Variants in NDRG3 observed in about 807,000 individuals in gnomAD.
NDRG3 encodes the protein protein NDRG3.
In NDRG3, 23 loss-of-function variants were observed where a neutral mutation model predicts 57.2. That is an observed-to-expected ratio of 0.40 (90% CI 0.29 to 0.57). The LOEUF (loss-of-function observed/expected upper bound fraction) is 0.57, where lower values mean the gene tolerates loss of function less well. Among genes scored for constraint, NDRG3 ranks in the 20% least tolerant of loss-of-function variants. The probability of loss-of-function intolerance (pLI) is 0.42; values close to 1 mark genes in which losing one functional copy is unlikely to be tolerated. For synonymous variants in NDRG3, 132 were observed against 162.6 expected, an observed-to-expected ratio of 0.81 and a Z score of 1.43; for missense variants, 384 against 457.3, an observed-to-expected ratio of 0.84 and a Z score of 1.46.
chr20:36,680,872 C>T lies in NDRG3; in HGVS notation c.475G>A (p.Val159Met). Reference sequence around the variant, plus strand: ...GCGCAAGGGTCAACATTAATGAGCACAAGGCCTTCCACAAGCTCTGGATGG... The same window carrying T: ...GCGCAAGGGTCAACATTAATGAGCATAAGGCCTTCCACAAGCTCTGGATGG... Reference protein sequence around the residue: ...LNHPELVEGLVLINVDPCAKG... With the variant: ...LNHPELVEGLMLINVDPCAKG... Residue 159 changes from valine (V) to methionine (M), a missense_variant, in exon 8 of 16, where the codon GTG (valine) becomes ATG (methionine). Coordinates refer to ENST00000349004, the MANE Select transcript of NDRG3 (RefSeq NM_032013.4). The T allele has an allele frequency of 3.1e-6, 5 of 1,614,092 alleles. No homozygotes were observed. Among genetic ancestry groups the T allele is most frequent in the Non-Finnish European group, 4.2e-6 (5 of 1,179,976 alleles).
At chr20:36,721,220 C>A (rs559356640) in intron 2 of NDRG3, among the ~76,000 whole-genome samples, 67 of 151,660 alleles carry the variant, frequency 4.4e-4, no homozygotes, top group Non-Finnish European at 7.7e-4. Flanking sequence ...GGGGAAACAT[C>A]AAAAAGATGC....
At chr20:36,693,171 T>C (rs1429078771) in intron 3 of NDRG3, among the ~76,000 whole-genome samples, 6 of 115,130 alleles carry the variant, frequency 5.2e-5, no homozygotes, top group South Asian at 3.1e-4. Context: ...CATATATATA[T>C]ACACACATAT....
chr20:36,700,186 G>A (rs1302029038), intron 3 of NDRG3, among the ~76,000 whole-genome samples: 1 of 151,176 alleles, frequency 6.6e-6, no homozygotes, highest in Non-Finnish European at 1.5e-5. Context: ...TTCATAATCT[G>A]GATGATATTC....
In NDRG3 at chr20:36,706,888, C is replaced by T. The variant is rs1026247058; in HGVS notation, c.93+84G>A. 6 of 1,150,600 alleles carry T rather than the reference C, an allele frequency of 5.2e-6. No homozygotes were observed. The South Asian group carries it at 8.2e-5, about 16-fold the overall frequency. 71.3% of individuals were successfully genotyped at this position (1,150,600 alleles called of 1,614,324 possible). On this transcript the variant is annotated intron_variant, in intron 3 of 15. Coordinates refer to ENST00000349004, the MANE Select transcript of NDRG3 (RefSeq NM_032013.4). ...TCATTATTAGCTATAATGAGAGATC[C>T]ACTTCTACAAGACCACCACCACAGG...
At chr20:36,691,487 G>A (rs1195131020) in intron 3 of NDRG3, among the ~76,000 whole-genome samples, 1 of 152,184 alleles carries the variant, frequency 6.6e-6, no homozygotes, top group Non-Finnish European at 1.5e-5. Flanking sequence ...GCCGAGGCAG[G>A]CAGATCATCT....
chr20:36,715,852 G>A (rs1303424011), intron 2 of NDRG3, among the ~76,000 whole-genome samples: 1 of 152,072 alleles, frequency 6.6e-6, no homozygotes, highest in East Asian at 1.9e-4. Flanking sequence ...CCTGGGGCCA[G>A]GCACAGTGGC....
At chr20:36,657,485 GAAAAAAA>G (rs757285386) in intron 13 of NDRG3, among the ~76,000 whole-genome samples, 2 of 130,050 alleles carry the variant, frequency 1.5e-5, no homozygotes, top group Non-Finnish European at 3.3e-5. Context: ...CCGTCTCCAG[GAAAAAAA>G]AAAAAAAAGG....
At chr20:36,654,661 G>C (rs1978493408) in intron 15 of NDRG3, 1 of 658,054 alleles carries the variant, frequency 1.5e-6, no homozygotes, top group Non-Finnish European at 2.9e-6. Context: ...GGCTGGACCT[G>C]TAGGCTAAAT....
At chr20:36,679,373 A>G (rs1981041723) in intron 8 of NDRG3, among the ~76,000 whole-genome samples, 1 of 152,234 alleles carries the variant, frequency 6.6e-6, no homozygotes. Context: ...ATAAATGTGT[A>G]TGTCTACTGA....
intron 6 of NDRG3, among the ~76,000 whole-genome samples, chr20:36,683,727 T>C (rs1981534181): frequency 6.6e-6 from 1 of 151,394 alleles, no homozygotes; most frequent in African/African-American, 2.4e-5. Flanking sequence ...TAAAAATATA[T>C]ATAACTGAAA....
intron 8 of NDRG3, among the ~76,000 whole-genome samples, chr20:36,678,802 C>A (rs1441864379): frequency 5.3e-5 from 8 of 152,184 alleles, no homozygotes; most frequent in Admixed American, 5.2e-4. Context: ...TAAAAACAAA[C>A]TAATATCACA....
intron 1 of NDRG3, among the ~76,000 whole-genome samples, chr20:36,731,176 C>T (rs1287039164): frequency 1.3e-5 from 2 of 152,072 alleles, no homozygotes; most frequent in South Asian, 4.1e-4. Flanking sequence ...AGCCTCCAAA[C>T]GACCACCAAA....
At chr20:36,695,145 T>G (rs1298737915) in intron 3 of NDRG3, among the ~76,000 whole-genome samples, 2 of 152,218 alleles carry the variant, frequency 1.3e-5, no homozygotes, top group Non-Finnish European at 2.9e-5. Context: ...TCATGGACAT[T>G]TATCACTTCC....
intron 1 of NDRG3, among the ~76,000 whole-genome samples, chr20:36,739,963 A>G (rs1000107424): frequency 6.6e-6 from 1 of 151,786 alleles, no homozygotes; most frequent in African/African-American, 2.4e-5. Context: ...AAACCTAATA[A>G]GTAATAAAAT....
intron 13 of NDRG3, among the ~76,000 whole-genome samples, chr20:36,659,029 TC>T (rs1219495251): frequency 4.7e-5 from 7 of 147,500 alleles, no homozygotes; most frequent in Admixed American, 1.4e-4. Flanking sequence ...GGAGCACAAA[TC>T]CTCGAATTCC....
At chr20:36,733,023 T>C (rs1358845252) in intron 1 of NDRG3, among the ~76,000 whole-genome samples, 1 of 150,840 alleles carries the variant, frequency 6.6e-6, no homozygotes, top group Non-Finnish European at 1.5e-5. Context: ...GACGTGTGCC[T>C]GTAGTCCCAG....
At chr20:36,687,004 AC>A (rs1182482184) in intron 5 of NDRG3, among the ~76,000 whole-genome samples, 1 of 151,924 alleles carries the variant, frequency 6.6e-6, no homozygotes. Flanking sequence ...ACAGGTGAAC[AC>A]CACCATGCCT....
At position 36,723,490 on chromosome 20, in the gene NDRG3, G is replaced by C. The variant is rs140750890; in HGVS notation, c.-48-1707C>G. On this transcript the variant is annotated intron_variant, in intron 1 of 15. Transcript: ENST00000349004. ...GATTTACATTTAACAACCATTTATT[G>C]AGTACCCATTGCACTATGGAAGATA... Among the ~76,000 whole-genome samples, 90 of 152,100 alleles carry C rather than the reference G, an allele frequency of 5.9e-4. 4 individuals carry two copies. The highest frequency in any genetic ancestry group is 2.9e-4 in the Non-Finnish European group (20 of 68,000).
chr20:36,710,752 G>T (rs1001278413), intron 2 of NDRG3, among the ~76,000 whole-genome samples: 1 of 151,224 alleles, frequency 6.6e-6, no homozygotes, highest in Non-Finnish European at 1.5e-5. Context: ...GGCGGAGGTT[G>T]CAGTGAGCTG....
Sources: gnomAD v4.1 joint callset for allele counts (sites outside exome capture counted in the v4.1 genomes callset) on GRCh38, gnomAD v4.1.1 for gene constraint, MANE v1.5 for transcripts, NCBI Gene and HGNC (gene_info 2026-07-23, HGNC 2026-07-21) for gene names.